Variants in ANK1 observed in about 807,000 individuals in gnomAD.
The protein encoded by ANK1 is ankyrin-1.
ANK1 carries 51 observed loss-of-function variants against 210.4 expected under a neutral mutation model. That is an observed-to-expected ratio of 0.24 (90% confidence interval 0.19 to 0.31). ANK1 has a LOEUF of 0.31. Ranked by LOEUF, ANK1 falls within the 10% of genes least tolerant of loss-of-function variation. The probability of loss-of-function intolerance (pLI) is 1.00; values close to 1 mark genes in which losing one functional copy is unlikely to be tolerated. For synonymous variants in ANK1, 967 were observed against 1,025.9 expected (o/e 0.94, Z 1.10); for missense variants, 2,051 against 2,504.4 (o/e 0.82, Z 3.86).
At chr8:41,888,520 T>G (rs1423171061) in intron 1 of ANK1, among the ~76,000 whole-genome samples, 1 of 152,230 alleles carries the variant, frequency 6.6e-6, no homozygotes, top group Non-Finnish European at 1.5e-5. Flanking sequence ...GTCCGGCTCC[T>G]GGCAGGCGCT....
chr8:41,797,399 G>T lies in ANK1; in HGVS notation c.27+113C>A. ...TAAGGCAGGGAGCCCACGGGGAGGC[G>T]AGGCGGGTGGGGTGTGCAAAGCTGC... On this transcript the variant is annotated intron_variant, in intron 1 of 42. Transcript: ENST00000289734. This position sits in a 1 kb window ranked among gnomAD's most constrained non-coding sequence, Gnocchi z 4.0. The T allele has an allele frequency of 2.1e-6, 2 of 948,162 alleles. No individual in the cohort carries two copies. Among genetic ancestry groups the T allele is most frequent in the Non-Finnish European group, 3.3e-6 (2 of 604,886 alleles). 58.7% of individuals were successfully genotyped at this position (948,162 alleles called of 1,614,324 possible).
At chr8:41,695,357 G>A (rs1417123069) in intron 26 of ANK1, 26 bp from the exon 27 acceptor site, 2 of 1,613,500 alleles carry the variant, frequency 1.2e-6, no homozygotes, top group Non-Finnish European at 1.7e-6. Context: ...AGTGGTGGTG[G>A]GGAGGTGCTC....
At chr8:41,876,790 T>A (rs1287475335) in intron 1 of ANK1, among the ~76,000 whole-genome samples, 1 of 152,208 alleles carries the variant, frequency 6.6e-6, no homozygotes, top group Admixed American at 6.5e-5. Context: ...TGCACCACTT[T>A]TAACTTTTTG....
intron 16 of ANK1, among the ~76,000 whole-genome samples, chr8:41,712,401 G>A (rs1826401669): frequency 6.6e-6 from 1 of 152,228 alleles, no homozygotes; most frequent in Admixed American, 6.5e-5. Flanking sequence ...CAGGCTACCA[G>A]GTAAACCTCT....
At chr8:41,706,011 C>T in intron 18 of ANK1, 132 bp downstream of exon 18, 1 of 903,104 alleles carries the variant, frequency 1.1e-6, no homozygotes, top group Non-Finnish European at 1.8e-6. Context: ...TCAAACTCCA[C>T]TGCCAGCCCT....
In ANK1 at chr8:41,728,021, G is replaced by A; in HGVS notation, c.229-15C>T. 1 of 1,613,284 alleles carries A rather than the reference G, an allele frequency of 6.2e-7. No homozygotes were observed. The highest frequency in any genetic ancestry group is 8.5e-7 in the Non-Finnish European group (1 of 1,179,726). ...GTGTTCCCCTTCTGAAACACATGGG[G>A]GAAGGGAACAGAGGCGGTTTCCCAC... is the stretch of plus-strand genomic sequence containing the variant. On this transcript the variant is annotated splice_polypyrimidine_tract_variant and intron_variant, in intron 3 of 42. Coordinates refer to ENST00000289734, the MANE Select transcript of ANK1 (RefSeq NM_000037.4).
chr8:41,670,042 C>T (rs1334412647), intron 38 of ANK1, among the ~76,000 whole-genome samples: 2 of 152,152 alleles, frequency 1.3e-5, no homozygotes, highest in South Asian at 2.1e-4. Flanking sequence ...ATCTGTAATT[C>T]CAGTCAGCCT....
At chr8:41,680,801 T>A (rs1815732196) in intron 37 of ANK1, among the ~76,000 whole-genome samples, 2 of 152,118 alleles carry the variant, frequency 1.3e-5, no homozygotes, top group Non-Finnish European at 2.9e-5. Flanking sequence ...GAAGCACAAG[T>A]GCATCCTCAT....
chr8:41,756,201 G>T (rs1839109849), intron 2 of ANK1, among the ~76,000 whole-genome samples: 1 of 152,040 alleles, frequency 6.6e-6, no homozygotes. Flanking sequence ...GGAGTGTAGT[G>T]GCACGACGAT....
At chr8:41,656,545 CA>C (rs1412179237) in intron 42 of ANK1, among the ~76,000 whole-genome samples, 5 of 152,254 alleles carry the variant, frequency 3.3e-5, no homozygotes, top group Admixed American at 2.0e-4. Flanking sequence ...CTCCTGCCCC[CA>C]TGGGGCCTCC....
chr8:41,807,207 TC>T lies in ANK1; in HGVS notation c.127-49071del. On this transcript the variant is annotated intron_variant, in intron 1 of 42. Coordinates refer to the ANK1 transcript ENST00000265709. ...TTTTGCATTGTTATTCACTCATGAC[TC>T]CAGCAATCTGATGGGGCAGGCACTG... Among the ~76,000 whole-genome samples, 2 of 152,160 alleles carry T rather than the reference TC, an allele frequency of 1.3e-5. 1 individual carries two copies. Among genetic ancestry groups the T allele is most frequent in the Non-Finnish European group, 2.9e-5 (2 of 68,022 alleles).
At chr8:41,840,042 A>G (rs1466255630) in intron 1 of ANK1, 1 of 152,002 alleles carries the variant, frequency 6.6e-6, no homozygotes, top group Non-Finnish European at 1.5e-5. Context: ...TTCTTTTAAA[A>G]TTATTTTTAT....
intron 1 of ANK1, among the ~76,000 whole-genome samples, chr8:41,869,502 C>G (rs1380246207): frequency 3.3e-5 from 5 of 152,094 alleles, no homozygotes; most frequent in Non-Finnish European, 7.4e-5. Flanking sequence ...ACAGCTTGAG[C>G]CTGGGAGGCA....
At chr8:41,858,668 A>G (rs1353995319) in intron 1 of ANK1, among the ~76,000 whole-genome samples, 2 of 152,204 alleles carry the variant, frequency 1.3e-5, no homozygotes, top group East Asian at 3.9e-4. Context: ...CGCTCCTTCT[A>G]TGGGATCCCC....
Position 41,746,655 on chromosome 8 carries a change from T to C in ANK1, c.129+11381A>G, listed in dbSNP as rs746228774. ...ACCTCAGCTCACCTTCTTTCTATTTTGATTGTACAGAACTCGCAGCAGCCC... is the reference window on the plus strand; with the variant it reads ...ACCTCAGCTCACCTTCTTTCTATTTCGATTGTACAGAACTCGCAGCAGCCC... On this transcript the variant is annotated intron_variant, in intron 2 of 42. Coordinates refer to ENST00000289734, the MANE Select transcript of ANK1 (RefSeq NM_000037.4). Among the ~76,000 whole-genome samples the C allele has an allele frequency of 9.2e-5, 14 of 152,144 alleles. 1 individual carries two copies. The highest frequency in any genetic ancestry group is 3.2e-3 in the Middle Eastern group (1 of 316).
intron 1 of ANK1, among the ~76,000 whole-genome samples, chr8:41,777,756 A>G (rs1412180907): frequency 6.6e-6 from 1 of 152,176 alleles, no homozygotes; most frequent in Non-Finnish European, 1.5e-5. Context: ...TCTCCTTTTC[A>G]AAGTGACCTG....
intron 1 of ANK1, among the ~76,000 whole-genome samples, chr8:41,879,208 G>A (rs759564924): frequency 1.2e-4 from 19 of 152,208 alleles, no homozygotes; most frequent in Non-Finnish European, 2.4e-4. Context: ...CCTGGGGAAT[G>A]TAAGTTAATC....
Position 41,704,436 on chromosome 8 carries a change from C to T in ANK1, c.2134G>A (p.Gly712Arg). The T allele has an allele frequency of 6.2e-7, 1 of 1,614,118 alleles. No individual in the cohort carries two copies. Among genetic ancestry groups the T allele is most frequent in the African/African-American group, 1.3e-5 (1 of 75,018 alleles). ...AGAAACTTCACCAGCTTGATGTTTC[C>T]ATAGTGACTGGCCACATGGAGGGGA... The part of the protein sequence containing the change: ...YTPLHVASHY[G>R]NIKLVKFLLQ... The change falls in exon 19 of 43, where the codon GGA becomes AGA. Residue 712 changes from glycine (G) to arginine (R), a missense_variant. Gly to Arg is a moderately radical substitution (Grantham distance 125). Coordinates refer to ENST00000289734, the MANE Select transcript of ANK1 (RefSeq NM_000037.4). This position sits in a 1 kb window ranked among gnomAD's most constrained non-coding sequence, Gnocchi z 4.1.
At chr8:41,745,843 G>A (rs1383108035) in intron 2 of ANK1, among the ~76,000 whole-genome samples, 3 of 152,202 alleles carry the variant, frequency 2.0e-5, no homozygotes, top group East Asian at 1.9e-4. Context: ...GACTACAGGT[G>A]CAGGGCCATG....
Sources: gnomAD v4.1 joint callset for allele counts (sites outside exome capture counted in the v4.1 genomes callset) on GRCh38, gnomAD v4.1.1 for gene constraint, Gnocchi (gnomAD v3.1) non-coding constraint, MANE v1.5 for transcripts, NCBI Gene and HGNC (gene_info 2026-07-23, HGNC 2026-07-21) for gene names.